Variants in NR5A2 observed in about 807,000 individuals in gnomAD.
NR5A2 encodes nuclear receptor subfamily 5 group A member 2.
In NR5A2, 26 loss-of-function variants were observed where a neutral mutation model predicts 62.7. The ratio of observed to expected loss-of-function variants is 0.41; its 90% confidence interval spans 0.30 to 0.58. NR5A2 has a LOEUF of 0.58. NR5A2 is among the 20% of genes least tolerant of loss of function. The pLI is 0.22. For synonymous variants in NR5A2, 246 were observed against 241.7 expected, an observed-to-expected ratio of 1.02 and a Z score of -0.16; for missense variants, 541 against 669.1, an observed-to-expected ratio of 0.81 and a Z score of 2.11.
At chr1:200,029,246 C>T (rs1205148249) in intron 1 of NR5A2, 2 of 201,066 alleles carry the variant, frequency 9.9e-6, no homozygotes, top group Non-Finnish European at 9.8e-6. Context: ...CTCGGGGGCT[C>T]GCGCCCGCGC....
intron 2 of NR5A2, chr1:200,042,917 G>A (rs946042553): frequency 2.0e-6 from 2 of 985,470 alleles, no homozygotes; most frequent in Non-Finnish European, 2.4e-6. Flanking sequence ...GCCGCGCCGC[G>A]CGTCGTGGCG....
chr1:200,037,342 C>G (rs998318772), intron 1 of NR5A2, among the ~76,000 whole-genome samples: 1 of 152,210 alleles, frequency 6.6e-6, no homozygotes, highest in Non-Finnish European at 1.5e-5. Flanking sequence ...GAAATCACCA[C>G]CACACACTAG....
At chr1:200,136,304 C>T (rs1361753534) in intron 7 of NR5A2, among the ~76,000 whole-genome samples, 7 of 152,158 alleles carry the variant, frequency 4.6e-5, no homozygotes, top group African/African-American at 9.6e-5. Context: ...CCGCAACCTC[C>T]GCTTCCTGGG....
At chr1:200,032,383 TTATG>T (rs1276343391) in intron 1 of NR5A2, among the ~76,000 whole-genome samples, 3 of 152,184 alleles carry the variant, frequency 2.0e-5, no homozygotes, top group Non-Finnish European at 4.4e-5. Context: ...TGGGAAGCTG[TTATG>T]TATGTTTTTG....
chr1:200,084,863 AG>A (rs1266550594), intron 5 of NR5A2, among the ~76,000 whole-genome samples: 2 of 152,222 alleles, frequency 1.3e-5, no homozygotes, highest in East Asian at 3.8e-4. Flanking sequence ...TTATCAAAGG[AG>A]GATCAGGTTT....
intron 5 of NR5A2, among the ~76,000 whole-genome samples, chr1:200,064,963 A>G (rs1388434929): frequency 6.6e-6 from 1 of 151,870 alleles, no homozygotes; most frequent in Non-Finnish European, 1.5e-5. Context: ...TTATTTATTT[A>G]TTGTAGATAT....
intron 6 of NR5A2, among the ~76,000 whole-genome samples, chr1:200,112,989 GC>G (rs746241426): frequency 6.6e-6 from 1 of 152,012 alleles, no homozygotes; most frequent in Non-Finnish European, 1.5e-5. Context: ...ATTTCATTTT[GC>G]CTTAAGTGCT....
intron 5 of NR5A2, among the ~76,000 whole-genome samples, chr1:200,066,113 A>T (rs1282059790): frequency 6.6e-6 from 1 of 152,152 alleles, no homozygotes; most frequent in Non-Finnish European, 1.5e-5. Flanking sequence ...ATGGGAAAAA[A>T]GTTGAAGGGA....
At chr1:200,059,693 C>T (rs1405379644) in intron 5 of NR5A2, among the ~76,000 whole-genome samples, 1 of 152,150 alleles carries the variant, frequency 6.6e-6, no homozygotes, top group African/African-American at 2.4e-5. Flanking sequence ...CCTCAACACA[C>T]TTTTGAAGGA....
rs1387361488 is a variant in NR5A2 at position 200,175,412 on chromosome 1, T to A, written c.*1202T>A. On this transcript the variant is annotated 3_prime_UTR_variant, in exon 8 of 8. Coordinates refer to ENST00000367362, the MANE Select transcript of NR5A2 (RefSeq NM_205860.3). ...GGAAAGGAAGAGAGTGATACTGACC[T>A]TTTTAAGTCATAGACCAAAGTCTGC... The A allele has an allele frequency of 4.6e-5, 7 of 152,806 alleles. No individual in the cohort carries two copies. The highest frequency in any genetic ancestry group is 1.4e-4 in the African/African-American group (6 of 41,598). 9.5% of individuals were successfully genotyped at this position (152,806 alleles called of 1,614,324 possible). A position where few individuals can be genotyped will look rare whatever the true frequency, so the allele number is the denominator to read the frequency against.
intron 5 of NR5A2, among the ~76,000 whole-genome samples, chr1:200,106,061 C>CCTCTGTTTTTTT (rs373033375): frequency 8.7e-6 from 1 of 115,060 alleles, no homozygotes. Context: ...CAGATTCACT[C>CCTCTGTTTTTTT]TTCTTTTTTT....
chr1:200,050,132 C>T (rs538807669), intron 5 of NR5A2, among the ~76,000 whole-genome samples: 1 of 152,268 alleles, frequency 6.6e-6, no homozygotes, highest in South Asian at 2.1e-4. Context: ...ACAATTAGGC[C>T]AGATATTTTC....
chr1:200,076,574 C>T (rs1304962690), intron 5 of NR5A2, among the ~76,000 whole-genome samples: 2 of 151,634 alleles, frequency 1.3e-5, no homozygotes, highest in Non-Finnish European at 2.9e-5. Context: ...ATTTTTTGTC[C>T]TGTACTTCTA....
At chr1:200,037,663 C>T in intron 1 of NR5A2, among the ~76,000 whole-genome samples, 1 of 152,172 alleles carries the variant, frequency 6.6e-6, no homozygotes, top group Non-Finnish European at 1.5e-5. Context: ...AAAATTGGAG[C>T]TTTTGGCAAC....
intron 5 of NR5A2, chr1:200,053,966 C>T (rs1480571821): frequency 6.6e-6 from 1 of 152,234 alleles, no homozygotes; most frequent in African/African-American, 2.4e-5. Flanking sequence ...AGCGGCCAAA[C>T]ACGATTATAT....
chr1:200,074,736 C>CA (rs199556915), intron 5 of NR5A2, among the ~76,000 whole-genome samples: 2,249 of 67,370 alleles, frequency 0.033, 136 homozygotes, highest in Non-Finnish European at 0.043. Flanking sequence ...GAGTCCATCT[C>CA]AAAAAAAAAA....
chr1:200,135,073 A>G (rs1227360528), intron 7 of NR5A2, among the ~76,000 whole-genome samples: 2 of 152,230 alleles, frequency 1.3e-5, no homozygotes, highest in Admixed American at 1.3e-4. Flanking sequence ...GTGATTTTAT[A>G]ATACAAAATG....
intron 6 of NR5A2, among the ~76,000 whole-genome samples, chr1:200,113,934 G>A (rs1355994664): frequency 3.3e-5 from 5 of 152,098 alleles, no homozygotes; most frequent in South Asian, 4.1e-4. Flanking sequence ...TAATCCCAGC[G>A]CTTTGGGAGG....
At chr1:200,145,466 ATTTGTGTGTGTGTGTGTG>A (rs918938291) in intron 7 of NR5A2, among the ~76,000 whole-genome samples, 1 of 109,052 alleles carries the variant, frequency 9.2e-6, no homozygotes, top group African/African-American at 3.7e-5. Flanking sequence ...CATTGATAGA[ATTTGTGTGTGTGTGTGTG>A]TGTGTGTGTG....
Sources: allele counts gnomAD v4.1 joint callset (sites outside exome capture counted in the v4.1 genomes callset), GRCh38; gene constraint gnomAD v4.1.1; transcripts MANE v1.5; gene names NCBI Gene and HGNC (gene_info 2026-07-23, HGNC 2026-07-21).